The following VAMP7 variants were observed in gnomAD, a reference collection of about 807,000 sequenced individuals.
VAMP7 encodes vesicle-associated membrane protein 7.
Under a neutral mutation model 29.6 loss-of-function variants are expected in VAMP7, and 14 were observed. The ratio of observed to expected loss-of-function variants is 0.47; its 90% confidence interval spans 0.31 to 0.74. VAMP7 has a LOEUF of 0.74. Among genes scored for constraint, VAMP7 ranks in the 30% least tolerant of loss-of-function variants. The pLI is 0.05. For synonymous variants in VAMP7, 95 were observed against 88.1 expected (o/e 1.08, Z -0.44); for missense variants, 223 against 262.4 (o/e 0.85, Z 1.04).
At chrX:155,898,742 C>T (rs2066020333) in intron 4 of VAMP7, among the ~76,000 whole-genome samples, 1 of 151,934 alleles carries the variant, frequency 6.6e-6, no homozygotes, top group South Asian at 2.1e-4. Flanking sequence ...CCTAAAAGTT[C>T]CCTCATATCC....
intron 6 of VAMP7, among the ~76,000 whole-genome samples, chrX:155,930,223 T>G (rs1724120547): frequency 6.6e-6 from 1 of 152,210 alleles, no homozygotes; most frequent in Admixed American, 6.5e-5. Context: ...TGGCTTGATC[T>G]CAGTCTCCAG....
At chrX:155,933,538 T>A (rs1483809784) in intron 6 of VAMP7, among the ~76,000 whole-genome samples, 1 of 152,238 alleles carries the variant, frequency 6.6e-6, no homozygotes, top group African/African-American at 2.4e-5. Flanking sequence ...TTCTGTGGGA[T>A]CGGTGGTGAT....
intron 6 of VAMP7, among the ~76,000 whole-genome samples, chrX:155,939,106 G>GA (rs5904417): frequency 1 from 152,230 of 152,230 alleles, 76,115 homozygotes; most frequent in Non-Finnish European, 1. Context: ...TACCAGAGTG[G>GA]ATTGCTGGAT....
intron 5 of VAMP7, among the ~76,000 whole-genome samples, chrX:155,905,379 C>T (rs2066133162): frequency 6.6e-6 from 1 of 152,026 alleles, no homozygotes; most frequent in South Asian, 2.1e-4. Flanking sequence ...GTTGTCTTTT[C>T]ATTTTCTTGA....
intron 3 of VAMP7, among the ~76,000 whole-genome samples, chrX:155,897,583 T>C (rs1038494500): frequency 6.6e-6 from 1 of 152,164 alleles, no homozygotes; most frequent in Non-Finnish European, 1.5e-5. Flanking sequence ...TTTTTTCCTC[T>C]AAGGTATTCT....
At chrX:155,907,418 C>A (rs1056455009) in intron 5 of VAMP7, among the ~76,000 whole-genome samples, 1 of 151,908 alleles carries the variant, frequency 6.6e-6, no homozygotes, top group South Asian at 2.1e-4. Flanking sequence ...GAGGACCCTG[C>A]GGCCTTCCAC....
Position 155,889,574 on chromosome X carries a change from A to G in VAMP7, c.108A>G (p.Ile36Met). Residue 36 changes from isoleucine (I) to methionine (M), a missense_variant, in exon 2 of 8, where the codon ATA becomes ATG. Physicochemically the swap from Ile to Met is conservative, Grantham distance 10. Transcript: ENST00000286448. ...TGACAGAGCAGATTCTGGCTAAGATACCTTCTGAAAATAACAAACTAACGT... is the reference window on the plus strand; with the variant it reads ...TGACAGAGCAGATTCTGGCTAAGATGCCTTCTGAAAATAACAAACTAACGT... ...LEVTEQILAKIPSENNKLTYS... is the reference protein window; with the variant it reads ...LEVTEQILAKMPSENNKLTYS... The G allele has an allele frequency of 6.2e-7, 1 of 1,613,946 alleles. No homozygotes were observed. The highest frequency in any genetic ancestry group is 2.2e-5 in the East Asian group (1 of 44,872).
chrX:155,930,489 C>CA (rs35835800), intron 6 of VAMP7, among the ~76,000 whole-genome samples: 20,874 of 144,424 alleles, frequency 0.14, 1,972 homozygotes, highest in Non-Finnish European at 0.23. Flanking sequence ...CAAAACCAAA[C>CA]AAAAAAAAAA....
At chrX:155,936,103 G>T (rs976172666) in intron 6 of VAMP7, among the ~76,000 whole-genome samples, 54 of 152,104 alleles carry the variant, frequency 3.6e-4, no homozygotes, top group Middle Eastern at 3.4e-3. Flanking sequence ...GTGTCAGTCT[G>T]CCTCTACTGG....
chrX:155,900,829 A>G (rs2066051396), intron 5 of VAMP7, among the ~76,000 whole-genome samples: 1 of 152,118 alleles, frequency 6.6e-6, no homozygotes, highest in Admixed American at 6.6e-5. Flanking sequence ...TAAGAACCTT[A>G]TGATAATTCA....
At chrX:155,913,857 C>T (rs1260217505) in intron 5 of VAMP7, among the ~76,000 whole-genome samples, 5 of 152,204 alleles carry the variant, frequency 3.3e-5, no homozygotes, top group Non-Finnish European at 7.4e-5. Context: ...GCTATGTGGG[C>T]TCTTTTTTGG....
rs1331009323 is a variant in VAMP7 at position 155,907,937 on chromosome X, G to T, written c.433+7350G>T. 9.9e-5 allele frequency among the ~76,000 whole-genome samples: 15 copies of T among 152,060 alleles called. 1 individual carries two copies. In the East Asian group the frequency reaches 2.5e-3, roughly 26 times the overall value. On this transcript the variant is annotated intron_variant, in intron 5 of 7. Coordinates refer to ENST00000286448, the MANE Select transcript of VAMP7 (RefSeq NM_005638.6). The stretch of plus-strand genomic sequence containing the variant: ...TCCCAGAAGGGGCGGCGGGGCAGAG[G>T]CGCTCCCCACATCTCAGACGATGGG...
intron 5 of VAMP7, among the ~76,000 whole-genome samples, chrX:155,917,476 C>T (rs1380279810): frequency 6.6e-6 from 1 of 152,084 alleles, no homozygotes; most frequent in Non-Finnish European, 1.5e-5. Context: ...TGTTGGTGAC[C>T]TTTGGATGGG....
chrX:155,909,770 C>T (rs900837083), intron 5 of VAMP7, among the ~76,000 whole-genome samples: 6 of 152,148 alleles, frequency 3.9e-5, no homozygotes, highest in Non-Finnish European at 5.9e-5. Context: ...TCTGTTCTCC[C>T]ATCAGGCAAG....
intron 4 of VAMP7, among the ~76,000 whole-genome samples, chrX:155,899,365 C>T (rs1464555471): frequency 6.6e-6 from 1 of 151,968 alleles, no homozygotes; most frequent in East Asian, 1.9e-4. Flanking sequence ...TTTATGTTTT[C>T]ATGATGTCAG....
rs1178045298 is a variant in VAMP7, at chrX:155,898,118, G to C, written c.211G>C (p.Glu71Gln). The C allele has an allele frequency of 1.2e-6, 2 of 1,608,926 alleles. No homozygotes were observed. The highest frequency in any genetic ancestry group is 1.7e-5 in the Admixed American group (1 of 59,536). The change falls in exon 4 of 8, where the codon GAA becomes CAA. Residue 71 changes from glutamate to glutamine, a missense_variant. Glu to Gln is a conservative substitution (Grantham distance 29). Coordinates refer to ENST00000286448, the MANE Select transcript of VAMP7 (RefSeq NM_005638.6). The stretch of plus-strand genomic sequence containing the variant: ...TGTGTTGATCTCTTTTCAGGATTTT[G>C]AACGTTCCCGAGCCTTTAATTTTCT... ...VYLCITDDDF[E>Q]RSRAFNFLNE... is the part of the protein sequence containing the mutation.
At chrX:155,928,351 T>C (rs2066500606) in intron 6 of VAMP7, among the ~76,000 whole-genome samples, 1 of 152,192 alleles carries the variant, frequency 6.6e-6, no homozygotes, top group Non-Finnish European at 1.5e-5. Context: ...AAAAATTTAT[T>C]TTCTCCCACT....
intron 2 of VAMP7, among the ~76,000 whole-genome samples, chrX:155,893,994 C>T (rs2065955399): frequency 6.6e-6 from 1 of 152,142 alleles, no homozygotes; most frequent in Non-Finnish European, 1.5e-5. Context: ...AAAGATTTTG[C>T]CTGAGTTCCT....
chrX:155,899,878 A>G (rs1031764759), intron 4 of VAMP7, among the ~76,000 whole-genome samples: 1 of 152,112 alleles, frequency 6.6e-6, no homozygotes, highest in Non-Finnish European at 1.5e-5. Flanking sequence ...ATTAAATAAT[A>G]TCCCGTTTGA....
Sources: gnomAD v4.1 joint callset for allele counts (sites outside exome capture counted in the v4.1 genomes callset) on GRCh38, gnomAD v4.1.1 for gene constraint, MANE v1.5 for transcripts, NCBI Gene and HGNC (gene_info 2026-07-23, HGNC 2026-07-21) for gene names.